The following RAP1GAP2 variants were observed in gnomAD, a reference collection of about 807,000 sequenced individuals.
The protein encoded by RAP1GAP2 is rap1 GTPase-activating protein 2.
In RAP1GAP2, 27 loss-of-function variants were observed where a neutral mutation model predicts 95.0. The ratio of observed to expected loss-of-function variants is 0.28; its 90% CI spans 0.21 to 0.39. The LOEUF is 0.39. RAP1GAP2 is among the 10% of genes least tolerant of loss of function. The pLI is 1.00. For synonymous variants in RAP1GAP2, 373 were observed against 380.9 expected (o/e 0.98, Z 0.24); for missense variants, 771 against 970.0 (o/e 0.79, Z 2.72).
rs1187957327 is a variant in RAP1GAP2 at position 2,906,475 on chromosome 17, G to T, written c.165+1107G>T. Among the ~76,000 whole-genome samples the T allele has an allele frequency of 6.6e-6, 1 of 151,990 alleles. No homozygotes were observed. The highest frequency in any genetic ancestry group is 1.5e-5 in the Non-Finnish European group (1 of 67,996). On this transcript the variant is annotated intron_variant, in intron 3 of 24. Coordinates refer to ENST00000254695, the MANE Select transcript of RAP1GAP2 (RefSeq NM_015085.5). This position sits in a 1 kb window ranked among gnomAD's most constrained non-coding sequence, Gnocchi z 4.3. ...GTTAAGTGGTCAGCGGTGGGCGGGG[G>T]GGCAGGACAGGGTGCAGGGCTGACC... is the stretch of plus-strand genomic sequence containing the variant.
chr17:2,780,871 G>C (rs1226265440), intron 1 of RAP1GAP2, among the ~76,000 whole-genome samples: 1 of 152,230 alleles, frequency 6.6e-6, no homozygotes, highest in East Asian at 1.9e-4. Flanking sequence ...CTCTCTCAGT[G>C]CTTTGGTGCC....
At chr17:2,761,341 T>C (rs1305022650) in intron 1 of RAP1GAP2, among the ~76,000 whole-genome samples, 1 of 144,862 alleles carries the variant, frequency 6.9e-6, no homozygotes, top group Non-Finnish European at 1.5e-5. Context: ...CAGGCTGGAG[T>C]GCAATGGTGT....
At position 2,867,850 on chromosome 17, in the gene RAP1GAP2, C is replaced by CTGGTA. The variant is rs1240321615; in HGVS notation, c.81-37433_81-37429dup. ...TCAACTTGGCTGGTGGCTGCAGCTGCTGGTACCCTCCCAGACGCAAGGAGG... is the reference window on the plus strand; with the variant it reads ...TCAACTTGGCTGGTGGCTGCAGCTGCTGGTATGGTACCCTCCCAGACGCAAGGAGG... On this transcript the variant is annotated intron_variant, in intron 2 of 24. Transcript: ENST00000254695. The surrounding 1 kb of genome is among the most constrained non-coding windows in gnomAD (Gnocchi z 4.5). Among the ~76,000 whole-genome samples, 1 of 152,172 alleles carries CTGGTA rather than the reference C, an allele frequency of 6.6e-6. No individual in the cohort carries two copies. The highest frequency in any genetic ancestry group is 1.5e-5 in the Non-Finnish European group (1 of 68,028).
chr17:2,891,821 T>C (rs893989181), intron 2 of RAP1GAP2, among the ~76,000 whole-genome samples: 2 of 110,320 alleles, frequency 1.8e-5, no homozygotes, highest in African/African-American at 7.1e-5. Context: ...TTTCTTTTTT[T>C]TTTTTTTTTT....
chr17:2,974,958 G>A (rs560288764), intron 8 of RAP1GAP2, among the ~76,000 whole-genome samples: 1 of 152,336 alleles, frequency 6.6e-6, no homozygotes, highest in East Asian at 1.9e-4. Flanking sequence ...GCCAGTCACG[G>A]TAGCTCACGC....
Position 2,827,887 on chromosome 17 carries a change from G to T in RAP1GAP2, c.80+27337G>T, listed in dbSNP as rs1413961003. On this transcript the variant is annotated intron_variant, in intron 2 of 24. Transcript: ENST00000254695. The surrounding 1 kb of genome is among the most constrained non-coding windows in gnomAD (Gnocchi z 4.1). ...GGTTGCAGCAGGCACGCCAGTGACG[G>T]TGGGGGCCCAGGGGGAGCGTGGCAG... Among the ~76,000 whole-genome samples, 1 of 152,182 alleles carries T rather than the reference G, an allele frequency of 6.6e-6. No homozygotes were observed. The highest frequency in any genetic ancestry group is 2.4e-5 in the African/African-American group (1 of 41,460).
At chr17:2,884,168 C>A (rs367602678) in intron 2 of RAP1GAP2, among the ~76,000 whole-genome samples, 2 of 152,164 alleles carry the variant, frequency 1.3e-5, no homozygotes, top group East Asian at 3.9e-4. Context: ...CATCCTCTTA[C>A]GCCAGGACTC....
Position 2,797,216 on chromosome 17 carries a change from G to T in RAP1GAP2, c.44+645G>T, listed in dbSNP as rs572641184. ...CCTGCACCCCAGGCAGCCCACCCTA[G>T]CTCTGTCCTAGCCTGAGCAGCTGCA... On this transcript the variant is annotated intron_variant, in intron 1 of 24. Coordinates refer to ENST00000254695, the MANE Select transcript of RAP1GAP2 (RefSeq NM_015085.5). This position sits in a 1 kb window ranked among gnomAD's most constrained non-coding sequence, Gnocchi z 5.6. Among the ~76,000 whole-genome samples, 7 of 152,290 alleles carry T rather than the reference G, an allele frequency of 4.6e-5. No homozygotes were observed. The highest frequency in any genetic ancestry group is 4.6e-4 in the Admixed American group (7 of 15,296).
intron 2 of RAP1GAP2, among the ~76,000 whole-genome samples, chr17:2,811,824 C>T (rs1241116905): frequency 2.0e-5 from 3 of 152,122 alleles, no homozygotes; most frequent in African/African-American, 7.2e-5. Context: ...GGTGATCCGC[C>T]CACCTCTGCT....
rs189270431 is a variant in RAP1GAP2, at chr17:3,002,020, T to A, written c.1201-3349T>A. On this transcript the variant is annotated intron_variant, in intron 14 of 24. Coordinates refer to ENST00000254695, the MANE Select transcript of RAP1GAP2 (RefSeq NM_015085.5). ...CGCTGTCACCCAGGCTAGAGTGCAG[T>A]GGTGTGATCTTGGCTCACTGCAACC... Among the ~76,000 whole-genome samples the A allele has an allele frequency of 1.0e-3, 153 of 150,452 alleles. 1 individual carries two copies. In the East Asian group the frequency reaches 0.025, roughly 24 times the overall value.
At position 2,800,266 on chromosome 17, in the gene RAP1GAP2, C is replaced by G. The variant is rs912031244; in HGVS notation, c.45-249C>G. The G allele has an allele frequency of 1.9e-5, 18 of 967,838 alleles. No homozygotes were observed. The African/African-American group carries it at 3.2e-4, about 17-fold the overall frequency. 60.0% of individuals were successfully genotyped at this position (967,838 alleles called of 1,614,324 possible). A position where few individuals can be genotyped will look rare whatever the true frequency, so the allele number is the denominator to read the frequency against. On this transcript the variant is annotated intron_variant, in intron 1 of 24. Coordinates refer to ENST00000254695, the MANE Select transcript of RAP1GAP2 (RefSeq NM_015085.5). ...GGCCAGTGATTTTACCTTTCTGAGCCTGGGTTTCCTCATCTCTGAAATGGG... is the reference window on the plus strand; with the variant it reads ...GGCCAGTGATTTTACCTTTCTGAGCGTGGGTTTCCTCATCTCTGAAATGGG...
Position 2,904,825 on chromosome 17 carries a change from T to C in RAP1GAP2, c.81-459T>C, listed in dbSNP as rs2042146568. 6.6e-6 allele frequency among the ~76,000 whole-genome samples: 1 copy of C among 152,114 alleles called. No homozygotes were observed. Among genetic ancestry groups the C allele is most frequent in the Non-Finnish European group, 1.5e-5 (1 of 68,024 alleles). ...GGACCATACTTAGAGTAGCACTGCTTTAGATTTTGGTGCATTGGAGTAAAG... is the reference window on the plus strand; with the variant it reads ...GGACCATACTTAGAGTAGCACTGCTCTAGATTTTGGTGCATTGGAGTAAAG... On this transcript the variant is annotated intron_variant, in intron 2 of 24. Transcript: ENST00000254695. The surrounding 1 kb of genome is among the most constrained non-coding windows in gnomAD (Gnocchi z 4.7).
intron 2 of RAP1GAP2, among the ~76,000 whole-genome samples, chr17:2,810,543 T>TG: frequency 7.1e-6 from 1 of 140,732 alleles, no homozygotes; most frequent in Non-Finnish European, 1.5e-5. Flanking sequence ...TTTTTTTTTT[T>TG]TTTTTGAGAC....
chr17:2,941,698 T>G (rs1248378543), intron 3 of RAP1GAP2, among the ~76,000 whole-genome samples: 1 of 151,394 alleles, frequency 6.6e-6, no homozygotes, highest in Non-Finnish European at 1.5e-5. Flanking sequence ...ACAGAGTTTT[T>G]GCTCTTGTCG....
intron 1 of RAP1GAP2, among the ~76,000 whole-genome samples, chr17:2,780,486 C>T (rs561626997): frequency 6.6e-6 from 1 of 152,382 alleles, no homozygotes; most frequent in African/African-American, 2.4e-5. Flanking sequence ...GTGCCTTTGC[C>T]AAGGCCTGTT....
intron 2 of RAP1GAP2, among the ~76,000 whole-genome samples, chr17:2,840,086 T>C (rs1261268657): frequency 6.6e-6 from 1 of 152,052 alleles, no homozygotes; most frequent in African/African-American, 2.4e-5. Context: ...ACTGTTGATG[T>C]TGGCCTTGGT....
intron 3 of RAP1GAP2, among the ~76,000 whole-genome samples, chr17:2,938,674 A>G (rs1322825977): frequency 6.6e-6 from 1 of 152,150 alleles, no homozygotes; most frequent in East Asian, 1.9e-4. Flanking sequence ...ACACACACAC[A>G]AAACACCTTG....
chr17:2,833,827 A>G (rs938235202), intron 2 of RAP1GAP2, among the ~76,000 whole-genome samples: 8 of 151,868 alleles, frequency 5.3e-5, no homozygotes, highest in Non-Finnish European at 1.2e-4. Flanking sequence ...GTGACTTTCT[A>G]TTTCATCATA....
chr17:2,853,314 C>G (rs368265985), intron 2 of RAP1GAP2, among the ~76,000 whole-genome samples: 2 of 152,038 alleles, frequency 1.3e-5, no homozygotes, highest in South Asian at 4.2e-4. Context: ...GGACGGGGAC[C>G]GCGCGCGGGC....
Sources: gnomAD v4.1 joint callset for allele counts (sites outside exome capture counted in the v4.1 genomes callset) on GRCh38, gnomAD v4.1.1 for gene constraint, Gnocchi (gnomAD v3.1) non-coding constraint, MANE v1.5 for transcripts, NCBI Gene and HGNC (gene_info 2026-07-23, HGNC 2026-07-21) for gene names.